Variants in CERT1 observed in about 807,000 individuals in gnomAD.
CERT1 encodes the protein ceramide transfer protein.
In CERT1, 31 loss-of-function variants were observed where a neutral mutation model predicts 87.9. That is an observed-to-expected ratio of 0.35 (90% CI 0.27 to 0.48). The LOEUF (loss-of-function observed/expected upper bound fraction) is 0.48. Among genes scored for constraint, CERT1 ranks in the 20% least tolerant of loss-of-function variants. The pLI, the probability that CERT1 is intolerant of heterozygous loss-of-function variation, is 0.99. For synonymous variants in CERT1, 289 were observed against 250.9 expected, an observed-to-expected ratio of 1.15 and a Z score of -1.44; for missense variants, 487 against 758.0, an observed-to-expected ratio of 0.64 and a Z score of 4.20.
At chr5:75,369,009 A>AT (rs1261586415) in intron 17 of CERT1, 1 of 151,660 alleles carries the variant, frequency 6.6e-6, no homozygotes, top group East Asian at 1.9e-4. Flanking sequence ...ACCTCCCGGG[A>AT]TCAAGCAATT....
At chr5:75,481,807 G>A (rs1057444635) in intron 2 of CERT1, among the ~76,000 whole-genome samples, 7 of 151,824 alleles carry the variant, frequency 4.6e-5, no homozygotes, top group Non-Finnish European at 8.8e-5. Context: ...TTTTGCTCTC[G>A]AAGGCACGGA....
At chr5:75,405,479 T>C (rs954510696) in intron 8 of CERT1, among the ~76,000 whole-genome samples, 4 of 152,210 alleles carry the variant, frequency 2.6e-5, no homozygotes, top group Non-Finnish European at 5.9e-5. Flanking sequence ...TTGTATCTAA[T>C]ATAGAAGACT....
chr5:75,394,675 G>C (rs1431936618), intron 11 of CERT1, among the ~76,000 whole-genome samples: 1 of 152,042 alleles, frequency 6.6e-6, no homozygotes, highest in Non-Finnish European at 1.5e-5. Context: ...AGTGAGTGGT[G>C]ATCTCACCAC....
intron 3 of CERT1, among the ~76,000 whole-genome samples, chr5:75,438,584 G>T (rs2112235936): frequency 1.3e-5 from 2 of 152,128 alleles, no homozygotes; most frequent in Admixed American, 1.3e-4. Flanking sequence ...AAAAAAGAAG[G>T]TGAACTCATT....
At chr5:75,425,650 G>C (rs1015987431) in intron 4 of CERT1, 151 bp from the exon 5 acceptor site, 3 of 642,664 alleles carry the variant, frequency 4.7e-6, no homozygotes, top group Non-Finnish European at 7.5e-6. Context: ...AATACTTCTA[G>C]GAATAGGCTT....
intron 5 of CERT1, 38 bp from the exon 6 acceptor site, chr5:75,419,462 A>G: frequency 7.4e-7 from 1 of 1,358,802 alleles, no homozygotes. Context: ...GGATGAAAAG[A>G]AATAGAAATT....
chr5:75,416,114 T>C (rs1763123717), intron 7 of CERT1, among the ~76,000 whole-genome samples: 1 of 152,180 alleles, frequency 6.6e-6, no homozygotes, highest in Non-Finnish European at 1.5e-5. Flanking sequence ...TTCTGGCTGA[T>C]GTCTAATCTG....
chr5:75,481,226 G>T (rs755369546), intron 2 of CERT1, among the ~76,000 whole-genome samples: 3 of 152,000 alleles, frequency 2.0e-5, no homozygotes, highest in Non-Finnish European at 4.4e-5. Flanking sequence ...CTTCTCACCT[G>T]GTCACCACTT....
chr5:75,484,362 C>CAA (rs1766402480), intron 2 of CERT1, among the ~76,000 whole-genome samples: 1 of 142,994 alleles, frequency 7.0e-6, no homozygotes, highest in Non-Finnish European at 1.5e-5. Flanking sequence ...AACCAGAAAA[C>CAA]AAATAACAAA....
intron 7 of CERT1, among the ~76,000 whole-genome samples, chr5:75,413,617 T>A (rs1763018599): frequency 6.6e-6 from 1 of 151,904 alleles, no homozygotes; most frequent in Non-Finnish European, 1.5e-5. Flanking sequence ...TGAGACCCTG[T>A]CTCTCAAAAA....
intron 7 of CERT1, among the ~76,000 whole-genome samples, chr5:75,412,241 T>A (rs943995960): frequency 6.6e-6 from 1 of 152,174 alleles, no homozygotes; most frequent in African/African-American, 2.4e-5. Context: ...TTGGTCCCCC[T>A]ATTGGGTAAT....
intron 8 of CERT1, among the ~76,000 whole-genome samples, chr5:75,407,006 G>A (rs1356874839): frequency 6.6e-6 from 1 of 151,674 alleles, no homozygotes; most frequent in Non-Finnish European, 1.5e-5. Context: ...AAACCCATAC[G>A]ACTATAATAT....
At chr5:75,492,227 TGTG>T (rs1766832370) in intron 2 of CERT1, among the ~76,000 whole-genome samples, 1 of 151,898 alleles carries the variant, frequency 6.6e-6, no homozygotes, top group South Asian at 2.1e-4. Flanking sequence ...AATAGCCAGG[TGTG>T]GTGGTGCACC....
At chr5:75,494,273 T>C (rs566731190) in intron 2 of CERT1, among the ~76,000 whole-genome samples, 18 of 152,292 alleles carry the variant, frequency 1.2e-4, no homozygotes, top group Middle Eastern at 3.4e-3. Flanking sequence ...GGAAGCTATA[T>C]TGTTATCTTT....
At position 75,413,826 on chromosome 5, in the gene CERT1, A is replaced by T. The variant is rs550171020; in HGVS notation, c.838-2723T>A. On this transcript the variant is annotated intron_variant, in intron 7 of 16. Transcript: ENST00000643780. Reference sequence around the variant, plus strand: ...ATCCTCACCCATTGCTGGTAGAAATAATCACTTTGGAAAATCATCAGTATC... The same window carrying T: ...ATCCTCACCCATTGCTGGTAGAAATTATCACTTTGGAAAATCATCAGTATC... Among the ~76,000 whole-genome samples, 3 of 152,294 alleles carry T rather than the reference A, an allele frequency of 2.0e-5. No individual in the cohort carries two copies. The East Asian group carries it at 5.8e-4, about 29-fold the overall frequency.
chr5:75,429,086 A>G (rs1432729599), intron 3 of CERT1, among the ~76,000 whole-genome samples: 3 of 151,536 alleles, frequency 2.0e-5, no homozygotes, highest in Non-Finnish European at 2.9e-5. Flanking sequence ...CTTTTTGTCA[A>G]AAAACATCCC....
intron 2 of CERT1, among the ~76,000 whole-genome samples, chr5:75,472,700 G>A (rs1561287319): frequency 1.3e-5 from 2 of 152,194 alleles, no homozygotes; most frequent in South Asian, 4.2e-4. Context: ...AAATACAAAT[G>A]AAAACCATAA....
intron 7 of CERT1, among the ~76,000 whole-genome samples, chr5:75,414,641 A>T (rs1429241089): frequency 2.6e-5 from 4 of 152,202 alleles, no homozygotes; most frequent in Non-Finnish European, 5.9e-5. Context: ...TCTACAGTGG[A>T]AAGGATCATT....
chr5:75,395,786 G>T (rs1166946064), intron 11 of CERT1, among the ~76,000 whole-genome samples: 1 of 151,952 alleles, frequency 6.6e-6, no homozygotes, highest in African/African-American at 2.4e-5. Context: ...GGAGACGGAG[G>T]TTGCAGTGAG....
Sources: allele counts gnomAD v4.1 joint callset (sites outside exome capture counted in the v4.1 genomes callset), GRCh38; gene constraint gnomAD v4.1.1; transcripts MANE v1.5; gene names NCBI Gene and HGNC (gene_info 2026-07-23, HGNC 2026-07-21).